ARFGEF1: variants seen among roughly 807,000 people sequenced by gnomAD.
ARFGEF1 encodes brefeldin A-inhibited guanine nucleotide-exchange protein 1.
ARFGEF1 carries 42 observed loss-of-function variants against 231.0 expected under a neutral mutation model. The ratio of observed to expected loss-of-function variants is 0.18; its 90% CI spans 0.14 to 0.24. The LOEUF (loss-of-function observed/expected upper bound fraction) is 0.24, where lower values mean the gene tolerates loss of function less well. Among genes scored for constraint, ARFGEF1 ranks in the 10% least tolerant of loss-of-function variants. The probability of loss-of-function intolerance (pLI) is 1.00; values close to 1 mark genes in which losing one functional copy is unlikely to be tolerated. For missense variants in ARFGEF1, 1,345 were observed against 2,192.0 expected (o/e 0.61, Z 7.72); for synonymous variants, 710 against 732.3 (o/e 0.97, Z 0.49).
At chr8:67,250,070 T>C (rs1392590331) in intron 19 of ARFGEF1, among the ~76,000 whole-genome samples, 2 of 152,140 alleles carry the variant, frequency 1.3e-5, no homozygotes, top group South Asian at 2.1e-4. Context: ...TGCAGCATAG[T>C]AAGAAACAGA....
chr8:67,254,838 C>T (rs1840404475), intron 17 of ARFGEF1, among the ~76,000 whole-genome samples: 1 of 151,232 alleles, frequency 6.6e-6, no homozygotes, highest in African/African-American at 2.4e-5. Flanking sequence ...AAGTGTTTAA[C>T]GTATCATTTA....
At chr8:67,258,000 C>A in intron 16 of ARFGEF1, 85 bp downstream of exon 16, 1 of 1,293,946 alleles carries the variant, frequency 7.7e-7, no homozygotes, top group Non-Finnish European at 1.1e-6. Context: ...GGGATTAGGT[C>A]CTATTATCTG....
intron 5 of ARFGEF1, among the ~76,000 whole-genome samples, chr8:67,294,997 G>A (rs957371406): frequency 6.6e-6 from 1 of 152,104 alleles, no homozygotes; most frequent in African/African-American, 2.4e-5. Flanking sequence ...AAAAAAGGAT[G>A]GGAGCTGGTC....
chr8:67,293,973 G>A (rs1806119442), intron 5 of ARFGEF1, among the ~76,000 whole-genome samples: 1 of 152,064 alleles, frequency 6.6e-6, no homozygotes, highest in African/African-American at 2.4e-5. Flanking sequence ...GTATCCATGG[G>A]TTCTACATCA....
intron 1 of ARFGEF1, among the ~76,000 whole-genome samples, chr8:67,316,108 A>T (rs1265274475): frequency 6.6e-6 from 1 of 152,220 alleles, no homozygotes; most frequent in Non-Finnish European, 1.5e-5. Flanking sequence ...GTATCACTAC[A>T]AACACCGCAG....
chr8:67,281,332 A>G lies in ARFGEF1; in HGVS notation c.1028-3875T>C, dbSNP rs544437179. Among the ~76,000 whole-genome samples, 7 of 152,256 alleles carry G rather than the reference A, an allele frequency of 4.6e-5. No homozygotes were observed. The East Asian group carries it at 1.4e-3, about 29-fold the overall frequency. On this transcript the variant is annotated intron_variant, in intron 7 of 38. Coordinates refer to ENST00000262215, the MANE Select transcript of ARFGEF1 (RefSeq NM_006421.5). ...AAAAAAACTTTCTAAAATGATGAAA[A>G]GTCATAAAAAAATCAACTGCTACTC...
rs1554636681 is a variant in ARFGEF1 at position 67,221,821 on chromosome 8, C to CT, written c.4209-2262dup. Among the ~76,000 whole-genome samples the CT allele has an allele frequency of 1.4e-3, 209 of 144,430 alleles. 1 individual carries two copies. The highest frequency in any genetic ancestry group is 4.1e-3 in the African/African-American group (162 of 39,454). 94.8% of individuals were successfully genotyped at this position (144,430 alleles called of 152,430 possible). On this transcript the variant is annotated intron_variant, in intron 29 of 38. Transcript: ENST00000262215. ...TTTGTTGTTGCTTTTTTTTTTCTTTCTTTTTTTTTTGAGATGGAGTCTTGC... is the reference window on the plus strand; with the variant it reads ...TTTGTTGTTGCTTTTTTTTTTCTTTCTTTTTTTTTTTGAGATGGAGTCTTGC...
In ARFGEF1 at chr8:67,324,603, C is replaced by T. The variant is rs115803639; in HGVS notation, c.124+18561G>A. ...AATTATTCTTCCTTTGGGTTTCCAT[C>T]AATTTCATATATGTCTACCATAGCG... On this transcript the variant is annotated intron_variant, in intron 1 of 38. Coordinates refer to ENST00000262215, the MANE Select transcript of ARFGEF1 (RefSeq NM_006421.5). Among the ~76,000 whole-genome samples, 1,261 of 152,308 alleles carry T rather than the reference C, an allele frequency of 8.3e-3. 11 individuals carry two copies. Among genetic ancestry groups the T allele is most frequent in the African/African-American group, 0.029 (1,212 of 41,562 alleles).
chr8:67,219,185 T>G (rs1839062793), intron 30 of ARFGEF1, among the ~76,000 whole-genome samples: 2 of 152,174 alleles, frequency 1.3e-5, no homozygotes, highest in South Asian at 4.1e-4. Context: ...CAGGCTGGTC[T>G]CAAACCCCTG....
chr8:67,341,316 G>A (rs1462000350), intron 1 of ARFGEF1, among the ~76,000 whole-genome samples: 3 of 151,694 alleles, frequency 2.0e-5, no homozygotes, highest in Non-Finnish European at 2.9e-5. Flanking sequence ...GGCCAGGAGA[G>A]GTAGCTCATG....
chr8:67,240,095 TA>T (rs1839885257), intron 20 of ARFGEF1, 66 bp downstream of exon 20: 1 of 1,555,288 alleles, frequency 6.4e-7, no homozygotes, highest in South Asian at 1.2e-5. Context: ...TATTGTAATT[TA>T]AACTATTGTA....
chr8:67,194,241 A>G (rs556123196), downstream of ARFGEF1, among the ~76,000 whole-genome samples: 1 of 152,332 alleles, frequency 6.6e-6, no homozygotes, highest in Admixed American at 6.5e-5. Context: ...GGTAATAATA[A>G]TAGTTTTAGC....
intron 1 of ARFGEF1, among the ~76,000 whole-genome samples, chr8:67,304,190 C>T (rs905267229): frequency 6.6e-6 from 1 of 152,132 alleles, no homozygotes; most frequent in Non-Finnish European, 1.5e-5. Flanking sequence ...TGTATTAAAC[C>T]CTTTAAAAAG....
At chr8:67,280,322 T>A (rs369200758) in intron 7 of ARFGEF1, among the ~76,000 whole-genome samples, 2 of 152,204 alleles carry the variant, frequency 1.3e-5, no homozygotes, top group South Asian at 4.1e-4. Context: ...CTGTATTTGA[T>A]CACTGCCTGC....
chr8:67,258,907 C>T (rs1563869935), intron 15 of ARFGEF1, among the ~76,000 whole-genome samples: 2 of 151,672 alleles, frequency 1.3e-5, no homozygotes, highest in Non-Finnish European at 2.9e-5. Context: ...TGCATGGACA[C>T]CAAAATCCAT....
chr8:67,238,310 A>G, intron 22 of ARFGEF1, 33 bp downstream of exon 22: 1 of 1,562,724 alleles, frequency 6.4e-7, no homozygotes, highest in Non-Finnish European at 8.6e-7. Context: ...AGGAAGTTAA[A>G]AACAATTTTT....
At position 67,226,192 on chromosome 8, in the gene ARFGEF1, G is replaced by A. The variant is rs1449153871; in HGVS notation, c.3917-9C>T. On this transcript the variant is annotated splice_polypyrimidine_tract_variant and intron_variant, in intron 27 of 38. Transcript: ENST00000262215. ...TTTTTCAAATACAAGGGCTAAAATAGAGAAAAATATATATTACTATAATTT... is the reference window on the plus strand; with the variant it reads ...TTTTTCAAATACAAGGGCTAAAATAAAGAAAAATATATATTACTATAATTT... 6.4e-7 allele frequency: 1 copy of A among 1,562,492 alleles called. No individual in the cohort carries two copies. Among genetic ancestry groups the A allele is most frequent in the Non-Finnish European group, 8.7e-7 (1 of 1,156,058 alleles).
At chr8:67,273,803 C>T (rs544485671) in intron 9 of ARFGEF1, among the ~76,000 whole-genome samples, 2 of 152,178 alleles carry the variant, frequency 1.3e-5, no homozygotes, top group East Asian at 3.9e-4. Context: ...CAAATAGCTA[C>T]AGGGAACTAC....
intron 5 of ARFGEF1, among the ~76,000 whole-genome samples, chr8:67,183,285 A>G (rs1247033452): frequency 6.6e-6 from 1 of 152,364 alleles, no homozygotes; most frequent in African/African-American, 2.4e-5. Context: ...CAGCAACACC[A>G]TCAACCAACT....
Sources: allele counts gnomAD v4.1 joint callset (sites outside exome capture counted in the v4.1 genomes callset), GRCh38; gene constraint gnomAD v4.1.1; transcripts MANE v1.5; gene names NCBI Gene and HGNC (gene_info 2026-07-23, HGNC 2026-07-21).